The following NEXN variants were observed in gnomAD, a reference collection of about 807,000 sequenced individuals.
NEXN encodes nexilin.
Under a neutral mutation model 92.6 loss-of-function variants are expected in NEXN, and 65 were observed. That is an observed-to-expected ratio of 0.70 (90% CI 0.57 to 0.86). The LOEUF is 0.86. NEXN is among the 40% of genes least tolerant of loss of function. The pLI is 0.00. For synonymous variants in NEXN, 254 were observed against 242.5 expected (o/e 1.05, Z -0.44); for missense variants, 778 against 771.1 (o/e 1.01, Z -0.11).
Position 77,917,564 on chromosome 1 carries a change from A to G in NEXN, c.28-2A>G, listed in dbSNP as rs751731904. ...TCTTTTTTTTATTTTCTTCTAATGA[A>G]GATTCTGCTTTCTTCATCTAAACCT... On this transcript the variant is annotated splice_acceptor_variant, in intron 2 of 12. Transcript: ENST00000334785. LOFTEE classifies it high-confidence loss of function. 2 of 1,607,718 alleles carry G rather than the reference A, an allele frequency of 1.2e-6. No homozygotes were observed. The highest frequency in any genetic ancestry group is 2.2e-5 in the South Asian group (2 of 90,500).
At chr1:77,896,193 TA>T (rs888555901) in intron 1 of NEXN, among the ~76,000 whole-genome samples, 10 of 151,716 alleles carry the variant, frequency 6.6e-5, no homozygotes, top group Non-Finnish European at 1.0e-4. Flanking sequence ...AATAAATAAA[TA>T]AATAAGTTGT....
chr1:77,891,747 T>TAAA (rs373772489), intron 1 of NEXN, among the ~76,000 whole-genome samples: 1 of 129,036 alleles, frequency 7.7e-6, no homozygotes, highest in Non-Finnish European at 1.6e-5. Flanking sequence ...GGAAAAAAAG[T>TAAA]AAAAAAAAAA....
chr1:77,922,983 T>C (rs1649553173), intron 5 of NEXN, among the ~76,000 whole-genome samples: 1 of 151,556 alleles, frequency 6.6e-6, no homozygotes, highest in African/African-American at 2.4e-5. Flanking sequence ...GAATAATTTA[T>C]TTTTCAAGAA....
At chr1:77,910,827 A>G (rs1327817627) in intron 1 of NEXN, among the ~76,000 whole-genome samples, 1 of 151,186 alleles carries the variant, frequency 6.6e-6, no homozygotes, top group Non-Finnish European at 1.5e-5. Context: ...CAAAAACTGT[A>G]TTTTTTAATT....
chr1:77,918,500 A>T (rs1165687942), intron 5 of NEXN, among the ~76,000 whole-genome samples: 1 of 151,972 alleles, frequency 6.6e-6, no homozygotes, highest in Non-Finnish European at 1.5e-5. Flanking sequence ...TCCTGTCTCT[A>T]CAAAAAAATA....
At chr1:77,939,378 C>G (rs1305442711) in intron 11 of NEXN, among the ~76,000 whole-genome samples, 1 of 152,118 alleles carries the variant, frequency 6.6e-6, no homozygotes, top group Non-Finnish European at 1.5e-5. Context: ...CTGGAAAGTA[C>G]AAGTAGATAA....
chr1:77,895,320 C>G (rs1647209438), intron 1 of NEXN, among the ~76,000 whole-genome samples: 1 of 152,022 alleles, frequency 6.6e-6, no homozygotes, highest in Admixed American at 6.6e-5. Context: ...GCTGGGATTA[C>G]AGGCATGAGC....
intron 1 of NEXN, among the ~76,000 whole-genome samples, chr1:77,904,029 G>C (rs1220382408): frequency 2.6e-5 from 4 of 152,044 alleles, no homozygotes; most frequent in African/African-American, 9.7e-5. Flanking sequence ...GTCTTACTCT[G>C]TCACCCAAGC....
chr1:77,918,111 T>C lies in NEXN; in HGVS notation c.299-14T>C, dbSNP rs921990698. Reference sequence around the variant, plus strand: ...CATAACCAAGTATCAAACTTTTTTTTCATATATTTTTAGGAACTGTGAAGG... The same window carrying C: ...CATAACCAAGTATCAAACTTTTTTTCCATATATTTTTAGGAACTGTGAAGG... On this transcript the variant is annotated splice_polypyrimidine_tract_variant and intron_variant, in intron 4 of 12. Transcript: ENST00000334785. 1.9e-6 allele frequency: 3 copies of C among 1,613,542 alleles called. No homozygotes were observed. In the African/African-American group the frequency reaches 4.0e-5, roughly 22 times the overall value.
rs397517854 is a variant in NEXN at position 77,918,048 on chromosome 1, T to C, written c.298+10T>C. ...GTTCCAAAATTAACAGGTAAGAAGC[T>C]TGAGGGGTAAATAGTAAATTAAATT... is the stretch of plus-strand genomic sequence containing the variant. On this transcript the variant is annotated intron_variant, in intron 4 of 12. Coordinates refer to ENST00000334785, the MANE Select transcript of NEXN (RefSeq NM_144573.4). 6 of 1,612,772 alleles carry C rather than the reference T, an allele frequency of 3.7e-6. No homozygotes were observed. The highest frequency in any genetic ancestry group is 5.1e-6 in the Non-Finnish European group (6 of 1,178,964).
intron 1 of NEXN, chr1:77,889,054 T>A (rs924174120): frequency 6.5e-6 from 1 of 152,762 alleles, no homozygotes; most frequent in Non-Finnish European, 1.5e-5. Flanking sequence ...CTGGTTGCAA[T>A]GTCTTTGCCC....
At chr1:77,896,888 G>C (rs905332483) in intron 1 of NEXN, among the ~76,000 whole-genome samples, 2 of 152,008 alleles carry the variant, frequency 1.3e-5, no homozygotes, top group African/African-American at 4.8e-5. Flanking sequence ...ACACCTCTAC[G>C]CAAATAAACT....
intron 1 of NEXN, among the ~76,000 whole-genome samples, chr1:77,897,769 T>C (rs544335346): frequency 6.6e-6 from 1 of 152,334 alleles, no homozygotes; most frequent in African/African-American, 2.4e-5. Context: ...CCCCACTGTC[T>C]CAGCCCAAAA....
intron 1 of NEXN, among the ~76,000 whole-genome samples, chr1:77,893,246 G>A (rs958834298): frequency 1.3e-5 from 2 of 152,040 alleles, no homozygotes; most frequent in African/African-American, 4.8e-5. Flanking sequence ...GCTATAAAGA[G>A]GAGTTTACTG....
chr1:77,903,236 AAGAG>A (rs551489272), intron 1 of NEXN, among the ~76,000 whole-genome samples: 6 of 152,266 alleles, frequency 3.9e-5, no homozygotes, highest in Admixed American at 2.0e-4. Context: ...AAAAAAAAAA[AAGAG>A]AGAAATCAGA....
chr1:77,939,033 T>C (rs989530613), intron 11 of NEXN, among the ~76,000 whole-genome samples: 3 of 152,198 alleles, frequency 2.0e-5, no homozygotes, highest in Non-Finnish European at 4.4e-5. Flanking sequence ...GCAAGAATTC[T>C]GGGACCATGG....
intron 1 of NEXN, among the ~76,000 whole-genome samples, chr1:77,889,773 C>T (rs1271920661): frequency 2.0e-5 from 3 of 152,206 alleles, no homozygotes; most frequent in Non-Finnish European, 4.4e-5. Context: ...AATTAGTTCC[C>T]TGACCAAAAC....
intron 10 of NEXN, among the ~76,000 whole-genome samples, chr1:77,934,544 C>T (rs916468385): frequency 3.3e-5 from 5 of 152,232 alleles, no homozygotes; most frequent in African/African-American, 4.8e-5. Flanking sequence ...AGCTTTTGCT[C>T]ACTAAAGCTT....
Position 77,926,760 on chromosome 1 carries a change from C to A in NEXN, c.732C>A (p.Pro244=), listed in dbSNP as rs201171783. ...ESEAKKESLS[P]GKLKLTFEEL... ...AAGCAAAAAAAGAATCACTTTCTCCCGGAAAATTGAAACTAACTTTTGAAG... is the reference window on the plus strand; with the variant it reads ...AAGCAAAAAAAGAATCACTTTCTCCAGGAAAATTGAAACTAACTTTTGAAG... Residue 244 remains proline (P), a synonymous_variant, in exon 8 of 13, where the codon CCC becomes CCA. Coordinates refer to ENST00000334785, the MANE Select transcript of NEXN (RefSeq NM_144573.4). The A allele has an allele frequency of 6.3e-4, 1,020 of 1,613,402 alleles. 1 individual carries two copies. The highest frequency in any genetic ancestry group is 6.6e-4 in the Non-Finnish European group (773 of 1,179,922).
Sources: gnomAD v4.1 joint callset for allele counts (sites outside exome capture counted in the v4.1 genomes callset) on GRCh38, gnomAD v4.1.1 for gene constraint, MANE v1.5 for transcripts, NCBI Gene and HGNC (gene_info 2026-07-23, HGNC 2026-07-21) for gene names.